MTA1: variants seen among roughly 807,000 people sequenced by gnomAD.
The protein encoded by MTA1 is metastasis associated 1, also known as metastasis-associated protein MTA1.
In MTA1, 15 loss-of-function variants were observed where a neutral mutation model predicts 97.0. That is an observed-to-expected ratio of 0.15 (90% CI 0.10 to 0.24). MTA1 has a LOEUF of 0.24. Among genes scored for constraint, MTA1 ranks in the 10% least tolerant of loss-of-function variants. The pLI is 1.00. For synonymous variants in MTA1, 435 were observed against 417.5 expected (o/e 1.04, Z -0.51); for missense variants, 709 against 1,015.1 (o/e 0.70, Z 4.10).
intron 18 of MTA1, chr14:105,467,967 T>C (rs1555433305): frequency 7.0e-6 from 2 of 286,506 alleles, no homozygotes; most frequent in Non-Finnish European, 1.4e-5. Context: ...GCAGTGCTTG[T>C]GAGGGAGCAT....
At chr14:105,453,465 G>A (rs2083022686) in intron 6 of MTA1, among the ~76,000 whole-genome samples, 2 of 152,256 alleles carry the variant, frequency 1.3e-5, no homozygotes, top group African/African-American at 4.8e-5. Flanking sequence ...AGCTGTGATT[G>A]CACTGCTGCA....
chr14:105,440,900 A>G (rs2082488878), intron 2 of MTA1, among the ~76,000 whole-genome samples: 2 of 152,196 alleles, frequency 1.3e-5, no homozygotes, highest in Admixed American at 6.5e-5. Flanking sequence ...CCTGGACTGA[A>G]CGCCCCCTCA....
intron 18 of MTA1, chr14:105,467,360 C>T (rs1020262877): frequency 2.2e-5 from 10 of 452,930 alleles, no homozygotes; most frequent in South Asian, 7.8e-5. Flanking sequence ...GGAGCCCCTT[C>T]GCCAGGCGGC....
In MTA1 at chr14:105,452,037, C is replaced by T. The variant is rs587644468; in HGVS notation, c.432+1713C>T. ...AAACTCCTGACCTCAGGTGATCATC[C>T]CGCCTCTGCCTCCCGAACTGTTGGG... On this transcript the variant is annotated intron_variant, in intron 6 of 20. Coordinates refer to ENST00000331320, the MANE Select transcript of MTA1 (RefSeq NM_004689.4). Among the ~76,000 whole-genome samples the T allele has an allele frequency of 3.9e-5, 6 of 152,270 alleles. No homozygotes were observed. The South Asian group carries it at 1.2e-3, about 32-fold the overall frequency.
Position 105,441,656 on chromosome 14 carries a change from T to C in MTA1, c.96+2917T>C, listed in dbSNP as rs141186266. 8.5e-3 allele frequency among the ~76,000 whole-genome samples: 1,296 copies of C among 151,992 alleles called. 19 individuals carry two copies. The highest frequency in any genetic ancestry group is 0.029 in the African/African-American group (1,198 of 41,444). ...AAAAATACAAAAAATTAGCCGGGCG[T>C]GGTGGCGGGCGCCTGTGATCCCAGC... On this transcript the variant is annotated intron_variant, in intron 2 of 20. Transcript: ENST00000331320.
At chr14:105,452,856 G>A (rs2082995789) in intron 6 of MTA1, among the ~76,000 whole-genome samples, 1 of 152,246 alleles carries the variant, frequency 6.6e-6, no homozygotes, top group South Asian at 2.1e-4. Flanking sequence ...AACACGCAGA[G>A]TAGCTTTCAG....
chr14:105,468,020 G>A (rs888684509), intron 18 of MTA1: 4 of 319,184 alleles, frequency 1.3e-5, no homozygotes, highest in Non-Finnish European at 2.5e-5. Context: ...GGCTCAGAGG[G>A]GTCAGCCACA....
rs1555420519 is a variant in MTA1 at position 105,420,247 on chromosome 14, C to A, written c.28+184C>A. On this transcript the variant is annotated intron_variant, in intron 1 of 20. Coordinates refer to ENST00000331320, the MANE Select transcript of MTA1 (RefSeq NM_004689.4). The surrounding 1 kb of genome is among the most constrained non-coding windows in gnomAD (Gnocchi z 5.3). Reference sequence around the variant, plus strand: ...CCCAACCCAAAATGGCCCCGCGGGTCGGCCCCATCGGGGGCGGGCGGGGCT... The same window carrying A: ...CCCAACCCAAAATGGCCCCGCGGGTAGGCCCCATCGGGGGCGGGCGGGGCT... Among the ~76,000 whole-genome samples the A allele has an allele frequency of 6.7e-6, 1 of 148,492 alleles. No homozygotes were observed. The highest frequency in any genetic ancestry group is 2.4e-5 in the African/African-American group (1 of 41,006).
At position 105,424,007 on chromosome 14, in the gene MTA1, C is replaced by A. The variant is rs2081932782; in HGVS notation, c.28+3944C>A. Among the ~76,000 whole-genome samples the A allele has an allele frequency of 1.3e-5, 2 of 152,218 alleles. No homozygotes were observed. On this transcript the variant is annotated intron_variant, in intron 1 of 20. Transcript: ENST00000331320. The surrounding 1 kb of genome is among the most constrained non-coding windows in gnomAD (Gnocchi z 4.0). ...TGGAGACACGGCCGTCCTGTGAGCA[C>A]CAGGAGCGGGAGTGGTAGAAGTGGC...
At chr14:105,440,850 G>A (rs2082487332) in intron 2 of MTA1, among the ~76,000 whole-genome samples, 1 of 152,262 alleles carries the variant, frequency 6.6e-6, no homozygotes, top group Admixed American at 6.5e-5. Flanking sequence ...GGGGCTTCCA[G>A]GTGGGCGCAG....
intron 6 of MTA1, 136 bp downstream of exon 6, chr14:105,450,460 G>A (rs4983411): frequency 0.65 from 652,729 of 1,004,190 alleles, 220,591 homozygotes; most frequent in East Asian, 0.98. Context: ...GGGGGGAAGC[G>A]GGGATTGCGT....
intron 3 of MTA1, chr14:105,449,142 A>G: frequency 1.9e-6 from 1 of 519,396 alleles, no homozygotes; most frequent in Non-Finnish European, 3.4e-6. Context: ...GCTCTTCCCA[A>G]AGAGGCTTGG....
At chr14:105,432,614 C>G (rs587699024) in intron 1 of MTA1, among the ~76,000 whole-genome samples, 1 of 152,220 alleles carries the variant, frequency 6.6e-6, no homozygotes, top group Non-Finnish European at 1.5e-5. Flanking sequence ...CATCAATACA[C>G]CAGATGACTT....
intron 18 of MTA1, chr14:105,469,062 G>A: frequency 4.7e-6 from 2 of 429,974 alleles, no homozygotes; most frequent in South Asian, 3.3e-5. Context: ...CGGCCTCCTG[G>A]TGGGGCAGTG....
At chr14:105,455,260 C>T (rs782672725) in intron 7 of MTA1, among the ~76,000 whole-genome samples, 1 of 152,218 alleles carries the variant, frequency 6.6e-6, no homozygotes, top group Non-Finnish European at 1.5e-5. Flanking sequence ...TGAATCTGCC[C>T]ACGTTTCTTG....
In MTA1 at chr14:105,463,817, A is replaced by G. The variant is rs2083454472; in HGVS notation, c.1077-215A>G. The G allele has an allele frequency of 1.6e-6, 1 of 640,038 alleles. No homozygotes were observed. The highest frequency in any genetic ancestry group is 1.9e-5 in the South Asian group (1 of 52,830). The allele number at this position is 640,038 out of a possible 1,614,324, so 39.6% of individuals were successfully genotyped here. ...GGGTTCAGTCCCTGAGCTGGGCTCC[A>G]TGCTAGGGGGAGCACGGGGGCCTGG... On this transcript the variant is annotated intron_variant, in intron 12 of 20. Coordinates refer to ENST00000331320, the MANE Select transcript of MTA1 (RefSeq NM_004689.4). This position sits in a 1 kb window ranked among gnomAD's most constrained non-coding sequence, Gnocchi z 5.9.
intron 1 of MTA1, among the ~76,000 whole-genome samples, chr14:105,423,991 G>A (rs587758059): frequency 2.0e-5 from 3 of 152,326 alleles, no homozygotes; most frequent in South Asian, 2.1e-4. Context: ...CTGGAGACAC[G>A]GCCGTCCTGT....
At chr14:105,470,032 C>T (rs1555434044) in intron 20 of MTA1, 33 bp from the exon 21 acceptor site, 25 of 1,612,568 alleles carry the variant, frequency 1.6e-5, no homozygotes, top group South Asian at 2.2e-5. Context: ...CTCCGCACAG[C>T]GTCCCGGCCC....
At position 105,466,421 on chromosome 14, in the gene MTA1, G is replaced by A. The variant is rs1210515775; in HGVS notation, c.1625-5G>A. On this transcript the variant is annotated splice_polypyrimidine_tract_variant and splice_region_variant and intron_variant, in intron 16 of 20. Coordinates refer to ENST00000331320, the MANE Select transcript of MTA1 (RefSeq NM_004689.4). ...AACTCGTTCTGCCTGTGTCATTCCC[G>A]GCAGAGACCCACCCCCGCCCCCCCA... 16 of 1,599,858 alleles carry A rather than the reference G, an allele frequency of 1.0e-5. No homozygotes were observed. The highest frequency in any genetic ancestry group is 1.3e-5 in the African/African-American group (1 of 74,528).
Sources: allele counts gnomAD v4.1 joint callset (sites outside exome capture counted in the v4.1 genomes callset), GRCh38; gene constraint gnomAD v4.1.1; non-coding constraint Gnocchi (gnomAD v3.1); transcripts MANE v1.5; gene names NCBI Gene and HGNC (gene_info 2026-07-23, HGNC 2026-07-21).